CACUL1: variants seen among roughly 807,000 people sequenced by gnomAD.
The protein encoded by CACUL1 is CDK2 associated cullin domain 1.
Under a neutral mutation model 45.2 loss-of-function variants are expected in CACUL1, and 13 were observed. The ratio of observed to expected loss-of-function variants is 0.29; its 90% CI spans 0.19 to 0.46. The LOEUF is 0.46. Ranked by LOEUF, CACUL1 falls within the 20% of genes least tolerant of loss-of-function variation. The probability of loss-of-function intolerance (pLI) is 1.00; values close to 1 mark genes in which losing one functional copy is unlikely to be tolerated. For synonymous variants in CACUL1, 197 were observed against 174.2 expected (o/e 1.13, Z -1.03); for missense variants, 421 against 471.4 (o/e 0.89, Z 0.99).
At chr10:118,690,767 C>T (rs1413484945) in intron 7 of CACUL1, among the ~76,000 whole-genome samples, 1 of 152,180 alleles carries the variant, frequency 6.6e-6, no homozygotes, top group African/African-American at 2.4e-5. Context: ...ATGTATGGGC[C>T]GGGCATGGTG....
chr10:118,741,357 A>G (rs1028950217), intron 1 of CACUL1, among the ~76,000 whole-genome samples: 24 of 152,122 alleles, frequency 1.6e-4, no homozygotes, highest in Admixed American at 1.4e-3. Context: ...TTGCTTCAGA[A>G]TATCTCCAAT....
chr10:118,721,676 C>T (rs1429446818), intron 3 of CACUL1, among the ~76,000 whole-genome samples: 1 of 151,996 alleles, frequency 6.6e-6, no homozygotes, highest in African/African-American at 2.4e-5. Flanking sequence ...ACCTAGGAAC[C>T]AAATCTCTGT....
intron 3 of CACUL1, among the ~76,000 whole-genome samples, chr10:118,717,120 G>A (rs928588079): frequency 1.3e-5 from 2 of 152,164 alleles, no homozygotes; most frequent in South Asian, 2.1e-4. Context: ...GAACTTCAGG[G>A]AAGTCTGTAA....
chr10:118,726,279 A>G, intron 3 of CACUL1: 3 of 1,266,642 alleles, frequency 2.4e-6, no homozygotes, highest in Non-Finnish European at 3.1e-6. Context: ...AATGCTTACA[A>G]ATCTAGAGAG....
In CACUL1 at chr10:118,683,131, T is replaced by A. The variant is rs1364846575; in HGVS notation, c.*2997A>T. 6.6e-6 allele frequency: 1 copy of A among 152,176 alleles called. No homozygotes were observed. The highest frequency in any genetic ancestry group is 1.5e-5 in the Non-Finnish European group (1 of 68,038). The allele number at this position is 152,176 out of a possible 1,614,324, so 9.4% of individuals were successfully genotyped here. A position where few individuals can be genotyped will look rare whatever the true frequency, so the allele number is the denominator to read the frequency against. Reference sequence around the variant, plus strand: ...GCTTAAGGCCAACCTTTAAAACATGTACCGTCTCTCAAAACAATTATCGAT... The same window carrying A: ...GCTTAAGGCCAACCTTTAAAACATGAACCGTCTCTCAAAACAATTATCGAT... On this transcript the variant is annotated 3_prime_UTR_variant, in exon 9 of 9. Coordinates refer to ENST00000369151, the MANE Select transcript of CACUL1 (RefSeq NM_153810.5).
intron 3 of CACUL1, among the ~76,000 whole-genome samples, chr10:118,725,341 A>C (rs146829620): frequency 6.6e-6 from 1 of 152,050 alleles, no homozygotes; most frequent in Non-Finnish European, 1.5e-5. Flanking sequence ...GGTGGTGCAC[A>C]CCTGTAGTCC....
intron 3 of CACUL1, among the ~76,000 whole-genome samples, chr10:118,718,355 G>A (rs1007627609): frequency 7.9e-5 from 12 of 152,282 alleles, no homozygotes; most frequent in Non-Finnish European, 1.3e-4. Context: ...GAGAGTCGGG[G>A]AGGGAACTCA....
chr10:118,686,237 T>C (rs1845204536), intron 8 of CACUL1, 69 bp from the exon 9 acceptor site: 1 of 1,279,966 alleles, frequency 7.8e-7, no homozygotes, highest in Non-Finnish European at 1.1e-6. Flanking sequence ...GGAATCTGTT[T>C]ATTCAACACA....
intron 3 of CACUL1, among the ~76,000 whole-genome samples, chr10:118,722,625 C>T (rs1486896789): frequency 6.6e-6 from 1 of 152,098 alleles, no homozygotes; most frequent in Non-Finnish European, 1.5e-5. Context: ...AATAATGGCT[C>T]CAAAGAGCAA....
intron 3 of CACUL1, among the ~76,000 whole-genome samples, chr10:118,719,755 G>A (rs1325772107): frequency 3.3e-5 from 5 of 151,726 alleles, no homozygotes; most frequent in Non-Finnish European, 7.4e-5. Flanking sequence ...AGGTTGCGGT[G>A]AGCCGAGATG....
At chr10:118,736,160 G>T (rs1380540497) in intron 1 of CACUL1, among the ~76,000 whole-genome samples, 1 of 152,254 alleles carries the variant, frequency 6.6e-6, no homozygotes, top group Middle Eastern at 3.4e-3. Context: ...GGAAGCCCTT[G>T]TAGATAAAGA....
intron 3 of CACUL1, among the ~76,000 whole-genome samples, chr10:118,712,571 A>C (rs1399652458): frequency 2.6e-5 from 4 of 152,214 alleles, no homozygotes; most frequent in Admixed American, 2.6e-4. Flanking sequence ...GAGCAAGACA[A>C]AGAGGAGCTT....
Position 118,707,566 on chromosome 10 carries a change from T to A in CACUL1, c.619A>T (p.Ile207Phe), listed in dbSNP as rs1332014662. The change falls in exon 4 of 9, where the codon ATT becomes TTT. Residue 207 changes from isoleucine to phenylalanine, a missense_variant. Ile to Phe is a conservative substitution (Grantham distance 21, BLOSUM62 0). Transcript: ENST00000369151. Reference protein sequence around the residue: ...ELQASPPDLYIERFNIALGQY... With the variant: ...ELQASPPDLYFERFNIALGQY... ...CCAAGAGCTATATTAAATCTTTCAA[T>A]ATAGAGATCTGGAGGGCTGGCCTGT... 1 of 1,564,776 alleles carries A rather than the reference T, an allele frequency of 6.4e-7. No individual in the cohort carries two copies. The highest frequency in any genetic ancestry group is 1.4e-5 in the African/African-American group (1 of 74,054).
intron 7 of CACUL1, among the ~76,000 whole-genome samples, chr10:118,689,940 TAA>T (rs1418729858): frequency 6.6e-6 from 1 of 152,202 alleles, no homozygotes; most frequent in Non-Finnish European, 1.5e-5. Context: ...TATGAAAGTA[TAA>T]AGACTTCAGA....
At chr10:118,695,344 G>A (rs1405715175) in intron 5 of CACUL1, 114 bp from the exon 6 acceptor site, 5 of 675,374 alleles carry the variant, frequency 7.4e-6, no homozygotes, top group Non-Finnish European at 1.4e-5. Context: ...GAAAGGAACA[G>A]TCCAATAAAC....
intron 4 of CACUL1, among the ~76,000 whole-genome samples, chr10:118,703,831 CT>C (rs1031591035): frequency 2.0e-5 from 3 of 151,276 alleles, no homozygotes; most frequent in African/African-American, 4.8e-5. Context: ...TGTTTATAAT[CT>C]TTTTTTTCTA....
intron 1 of CACUL1, among the ~76,000 whole-genome samples, chr10:118,746,292 A>G (rs1845842507): frequency 6.6e-6 from 1 of 152,252 alleles, no homozygotes; most frequent in Non-Finnish European, 1.5e-5. Flanking sequence ...TTAATGAAAT[A>G]GAACTGACGC....
At chr10:118,718,186 T>C (rs1010493194) in intron 3 of CACUL1, among the ~76,000 whole-genome samples, 1 of 152,084 alleles carries the variant, frequency 6.6e-6, no homozygotes, top group South Asian at 2.1e-4. Flanking sequence ...TTCAGGATGG[T>C]AGAAAATCCA....
intron 6 of CACUL1, chr10:118,693,855 A>G: frequency 4.9e-6 from 2 of 411,036 alleles, no homozygotes; most frequent in South Asian, 1.8e-5. Context: ...CTCAAACCCT[A>G]GATCCAAATT....
Sources: allele counts gnomAD v4.1 joint callset (sites outside exome capture counted in the v4.1 genomes callset), GRCh38; gene constraint gnomAD v4.1.1; transcripts MANE v1.5; gene names NCBI Gene and HGNC (gene_info 2026-07-23, HGNC 2026-07-21).